DLG2: variants seen among roughly 807,000 people sequenced by gnomAD.
DLG2 encodes disks large homolog 2.
Under a neutral mutation model 132.5 loss-of-function variants are expected in DLG2, and 45 were observed. The ratio of observed to expected loss-of-function variants is 0.34; its 90% CI spans 0.27 to 0.44. The LOEUF (loss-of-function observed/expected upper bound fraction) is 0.44, where lower values mean the gene tolerates loss of function less well. Among genes scored for constraint, DLG2 ranks in the 20% least tolerant of loss-of-function variants. The pLI is 1.00. For missense variants in DLG2, 1,045 were observed against 1,196.9 expected (o/e 0.87, Z 1.87); for synonymous variants, 424 against 419.6 (o/e 1.01, Z -0.13).
At chr11:83,486,954 TTATA>T (rs1442951448) in intron 21 of DLG2, among the ~76,000 whole-genome samples, 1 of 150,908 alleles carries the variant, frequency 6.6e-6, no homozygotes, top group Non-Finnish European at 1.5e-5. Flanking sequence ...TGTAATACCA[TTATA>T]TAAGCTTTTT....
chr11:83,892,206 A>G (rs1041981441), intron 15 of DLG2, among the ~76,000 whole-genome samples: 1 of 152,218 alleles, frequency 6.6e-6, no homozygotes, highest in Non-Finnish European at 1.5e-5. Flanking sequence ...AGAAAAAGTA[A>G]GTTGGAAATT....
chr11:84,026,620 C>G (rs2095542304), intron 11 of DLG2, among the ~76,000 whole-genome samples: 1 of 151,696 alleles, frequency 6.6e-6, no homozygotes, highest in Admixed American at 6.6e-5. Context: ...AGTTATATAT[C>G]TATAGATATA....
intron 18 of DLG2, among the ~76,000 whole-genome samples, chr11:83,734,034 A>G (rs1236962963): frequency 6.6e-6 from 1 of 151,980 alleles, no homozygotes; most frequent in African/African-American, 2.4e-5. Flanking sequence ...TGACTTTCTA[A>G]GTTATTTCAC....
chr11:85,136,936 CTATT>C lies in DLG2; in HGVS notation c.282+17616_282+17619del, dbSNP rs1389666923. ...TATTTTTTGATAGTTTTTAAAAAAT[CTATT>C]TAAACTTATGATCCCTTATTCATAT... is the stretch of plus-strand genomic sequence containing the variant. On this transcript the variant is annotated intron_variant, in intron 5 of 27. Coordinates refer to ENST00000376104, the MANE Select transcript of DLG2 (RefSeq NM_001142699.3). Among the ~76,000 whole-genome samples the C allele has an allele frequency of 3.3e-5, 5 of 152,056 alleles. 1 individual carries two copies. In the East Asian group the frequency reaches 5.8e-4, roughly 18 times the overall value.
chr11:84,924,516 G>C (rs72955520), intron 6 of DLG2, among the ~76,000 whole-genome samples: 5,471 of 152,284 alleles, frequency 0.036, 133 homozygotes, highest in East Asian at 0.094. Context: ...GAGTTACTGG[G>C]CATTTCTCCT....
intron 6 of DLG2, among the ~76,000 whole-genome samples, chr11:84,546,276 G>C (rs1359920989): frequency 6.6e-6 from 1 of 152,114 alleles, no homozygotes; most frequent in Non-Finnish European, 1.5e-5. Flanking sequence ...GAAGTGTGAA[G>C]CATCTCCCCT....
At chr11:84,496,738 T>G (rs983169215) in intron 7 of DLG2, among the ~76,000 whole-genome samples, 1 of 152,166 alleles carries the variant, frequency 6.6e-6, no homozygotes, top group Non-Finnish European at 1.5e-5. Context: ...GCATTTTTAT[T>G]TATGTTATCT....
chr11:85,266,034 C>G (rs1219564377), intron 4 of DLG2, among the ~76,000 whole-genome samples: 1 of 152,228 alleles, frequency 6.6e-6, no homozygotes, highest in East Asian at 1.9e-4. Flanking sequence ...GCCCTTTGCT[C>G]TCACTGACTG....
At chr11:84,984,334 C>T (rs1197074217) in intron 6 of DLG2, among the ~76,000 whole-genome samples, 2 of 152,098 alleles carry the variant, frequency 1.3e-5, no homozygotes, top group East Asian at 3.8e-4. Flanking sequence ...ATTCAGCCTC[C>T]TTAAATAAAA....
chr11:85,396,312 C>T (rs1473096225), intron 3 of DLG2, among the ~76,000 whole-genome samples: 2 of 152,072 alleles, frequency 1.3e-5, no homozygotes, highest in African/African-American at 4.8e-5. Flanking sequence ...TAACCACAAA[C>T]ATGGGGAGAA....
chr11:84,242,576 T>C (rs1400441236), intron 8 of DLG2, among the ~76,000 whole-genome samples: 1 of 152,012 alleles, frequency 6.6e-6, no homozygotes, highest in Non-Finnish European at 1.5e-5. Context: ...CGGCTAATTT[T>C]TGTATTTTTA....
At chr11:85,502,936 C>G (rs573551792) in intron 3 of DLG2, among the ~76,000 whole-genome samples, 4 of 152,084 alleles carry the variant, frequency 2.6e-5, no homozygotes, top group Admixed American at 2.6e-4. Flanking sequence ...TGTCTACACA[C>G]TCTACAATGG....
At chr11:83,748,418 C>T (rs564602300) in intron 18 of DLG2, among the ~76,000 whole-genome samples, 34 of 152,318 alleles carry the variant, frequency 2.2e-4, no homozygotes, top group Admixed American at 1.8e-3. Flanking sequence ...CAAGCTTTCC[C>T]TTTCCCTGAC....
intron 18 of DLG2, among the ~76,000 whole-genome samples, chr11:83,666,107 T>A (rs1430886489): frequency 1.3e-5 from 2 of 152,210 alleles, no homozygotes; most frequent in Non-Finnish European, 2.9e-5. Context: ...ATTCAATAGT[T>A]TTTTATACAG....
intron 15 of DLG2, among the ~76,000 whole-genome samples, chr11:83,913,307 G>A (rs530636007): frequency 1.1e-3 from 166 of 151,936 alleles, no homozygotes; most frequent in Non-Finnish European, 1.9e-3. Context: ...GCATTTCACA[G>A]GATCACCAAA....
chr11:84,060,478 T>C (rs2096573944), intron 10 of DLG2, among the ~76,000 whole-genome samples: 1 of 151,856 alleles, frequency 6.6e-6, no homozygotes. Flanking sequence ...GATAATCCTG[T>C]TCCTAGGTGC....
intron 6 of DLG2, among the ~76,000 whole-genome samples, chr11:84,665,719 T>C (rs894954773): frequency 6.6e-6 from 1 of 152,144 alleles, no homozygotes; most frequent in Admixed American, 6.5e-5. Flanking sequence ...GTGCTTGTCT[T>C]CCTTTCTAGA....
chr11:83,745,348 C>T (rs2092826790), intron 18 of DLG2, among the ~76,000 whole-genome samples: 1 of 152,200 alleles, frequency 6.6e-6, no homozygotes, highest in African/African-American at 2.4e-5. Context: ...TAGCTTTCTT[C>T]TGTTCTACTC....
chr11:84,166,919 T>C, intron 8 of DLG2: 1 of 533,226 alleles, frequency 1.9e-6, no homozygotes, highest in Non-Finnish European at 3.8e-6. Flanking sequence ...TACATTTTTT[T>C]TCTTGTACAG....
Sources: gnomAD v4.1 joint callset for allele counts (sites outside exome capture counted in the v4.1 genomes callset) on GRCh38, gnomAD v4.1.1 for gene constraint, MANE v1.5 for transcripts, NCBI Gene and HGNC (gene_info 2026-07-23, HGNC 2026-07-21) for gene names.